Variants in FTO observed in about 807,000 individuals in gnomAD.
FTO encodes alpha-ketoglutarate-dependent dioxygenase FTO.
FTO carries 47 observed loss-of-function variants against 63.9 expected under a neutral mutation model. The ratio of observed to expected loss-of-function variants is 0.74; its 90% CI spans 0.58 to 0.94. The LOEUF is 0.94. FTO is among the 40% of genes least tolerant of loss of function. The probability of loss-of-function intolerance (pLI) is 0.00; values close to 1 mark genes in which losing one functional copy is unlikely to be tolerated. For missense variants in FTO, 562 were observed against 618.1 expected, an observed-to-expected ratio of 0.91 and a Z score of 0.96; for synonymous variants, 207 against 224.4, an observed-to-expected ratio of 0.92 and a Z score of 0.69.
chr16:53,787,110 CAAAAAAAAAAAA>C (rs35391915), intron 1 of FTO, among the ~76,000 whole-genome samples: 12 of 56,174 alleles, frequency 2.1e-4, no homozygotes, highest in African/African-American at 8.7e-4. Context: ...GACTCCTTCT[CAAAAAAAAAAAA>C]AAAAAAAAAA....
chr16:53,713,225 C>T (rs919690096), intron 1 of FTO, among the ~76,000 whole-genome samples: 1 of 152,142 alleles, frequency 6.6e-6, no homozygotes, highest in African/African-American at 2.4e-5. Flanking sequence ...TCAACACATA[C>T]TTTAGCAACT....
chr16:53,738,614 GT>G (rs879872480), intron 1 of FTO, among the ~76,000 whole-genome samples: 6 of 152,158 alleles, frequency 3.9e-5, no homozygotes, highest in Non-Finnish European at 7.3e-5. Context: ...ATACCTGGAA[GT>G]GGAATTGCTG....
rs1259054936 is a variant in FTO at position 54,112,307 on chromosome 16, A to G, written c.*392A>G. 3 of 295,768 alleles carry G rather than the reference A, an allele frequency of 1.0e-5. No homozygotes were observed. Among genetic ancestry groups the G allele is most frequent in the South Asian group, 3.5e-5 (1 of 28,938 alleles). The allele number at this position is 295,768 out of a possible 1,614,324, so 18.3% of individuals were successfully genotyped here. On this transcript the variant is annotated 3_prime_UTR_variant, in exon 9 of 9. Coordinates refer to ENST00000471389, the MANE Select transcript of FTO (RefSeq NM_001080432.3). ...CTCTGGGGAAAGACAGAACTTAGAG[A>G]CATCCCAGTTACTCACCACACCCAT...
chr16:54,097,331 T>G (rs956548640), intron 8 of FTO, among the ~76,000 whole-genome samples: 1 of 151,908 alleles, frequency 6.6e-6, no homozygotes, highest in Non-Finnish European at 1.5e-5. Context: ...TTTGTTTTTT[T>G]TTTGTTGTTG....
chr16:53,716,261 T>C (rs1315351764), intron 1 of FTO, among the ~76,000 whole-genome samples: 1 of 152,220 alleles, frequency 6.6e-6, no homozygotes, highest in Non-Finnish European at 1.5e-5. Context: ...AAAAATGTTT[T>C]GATCAATGAT....
chr16:53,824,671 A>G (rs2042032), intron 2 of FTO, among the ~76,000 whole-genome samples: 117,065 of 152,008 alleles, frequency 0.77, 45,133 homozygotes, highest in African/African-American at 0.82. Flanking sequence ...AATGGTAATT[A>G]CTAAATGAAG....
intron 5 of FTO, among the ~76,000 whole-genome samples, chr16:53,878,186 T>C (rs1299530629): frequency 6.6e-6 from 1 of 152,078 alleles, no homozygotes; most frequent in African/African-American, 2.4e-5. Context: ...TAATCCCAGC[T>C]ACTTGGGAGG....
At chr16:53,799,219 C>T (rs1260072894) in intron 1 of FTO, among the ~76,000 whole-genome samples, 2 of 151,920 alleles carry the variant, frequency 1.3e-5, no homozygotes, top group South Asian at 4.2e-4. Context: ...GGATTGAAAG[C>T]CATTAATTTT....
chr16:54,026,023 A>AT (rs1271532553), intron 8 of FTO, among the ~76,000 whole-genome samples: 3 of 151,914 alleles, frequency 2.0e-5, no homozygotes, highest in Non-Finnish European at 2.9e-5. Context: ...AAGAAAAAAA[A>AT]ATTACTTATT....
At chr16:53,841,551 C>T (rs931533411) in intron 3 of FTO, among the ~76,000 whole-genome samples, 5 of 152,136 alleles carry the variant, frequency 3.3e-5, no homozygotes, top group Non-Finnish European at 7.3e-5. Flanking sequence ...CTTGCAGAGA[C>T]CATGAACTTG....
intron 8 of FTO, among the ~76,000 whole-genome samples, chr16:54,101,235 T>C (rs2086636882): frequency 6.6e-6 from 1 of 152,134 alleles, no homozygotes; most frequent in South Asian, 2.1e-4. Flanking sequence ...ACCCGGTTAT[T>C]AAGCCCAGTA....
chr16:54,035,664 G>A (rs1366106918), intron 8 of FTO, among the ~76,000 whole-genome samples: 1 of 152,172 alleles, frequency 6.6e-6, no homozygotes. Context: ...GTGTTTCAAG[G>A]CCTTTTCAGG....
At chr16:54,017,622 G>A (rs9927249) in intron 8 of FTO, among the ~76,000 whole-genome samples, 2,064 of 152,150 alleles carry the variant, frequency 0.014, 38 homozygotes, top group African/African-American at 0.047. Context: ...TTTCGGTGAT[G>A]GCACGTTAGC....
At chr16:53,969,463 G>GA (rs2083270516) in intron 8 of FTO, among the ~76,000 whole-genome samples, 1 of 152,066 alleles carries the variant, frequency 6.6e-6, no homozygotes, top group African/African-American at 2.4e-5. Flanking sequence ...TTTGGGGGGG[G>GA]CTTGTTTTCT....
At chr16:53,722,038 T>G (rs569846663) in intron 1 of FTO, among the ~76,000 whole-genome samples, 37 of 152,312 alleles carry the variant, frequency 2.4e-4, no homozygotes, top group African/African-American at 8.7e-4. Context: ...AAAAACTATT[T>G]TAATGATTGT....
chr16:54,042,836 A>G, intron 8 of FTO, among the ~76,000 whole-genome samples: 1 of 72,956 alleles, frequency 1.4e-5, no homozygotes, highest in Non-Finnish European at 2.2e-5. Flanking sequence ...GGCACCCCCC[A>G]GCAGGGGCAC....
intron 8 of FTO, among the ~76,000 whole-genome samples, chr16:54,030,216 G>A (rs1456843986): frequency 2.0e-5 from 3 of 152,140 alleles, no homozygotes; most frequent in Non-Finnish European, 4.4e-5. Flanking sequence ...ATAAATAATA[G>A]TTCTAGAATT....
chr16:53,973,122 G>A (rs1355729143), intron 8 of FTO, among the ~76,000 whole-genome samples: 1 of 152,144 alleles, frequency 6.6e-6, no homozygotes, highest in Non-Finnish European at 1.5e-5. Flanking sequence ...ATGGCACTTA[G>A]CCTCCTAAGC....
At chr16:53,787,528 A>G (rs2077782088) in intron 1 of FTO, among the ~76,000 whole-genome samples, 1 of 152,160 alleles carries the variant, frequency 6.6e-6, no homozygotes, top group Non-Finnish European at 1.5e-5. Context: ...ACTAGAATTT[A>G]AAAGCAAAAA....
Sources: gnomAD v4.1 joint callset for allele counts (sites outside exome capture counted in the v4.1 genomes callset) on GRCh38, gnomAD v4.1.1 for gene constraint, MANE v1.5 for transcripts, NCBI Gene and HGNC (gene_info 2026-07-23, HGNC 2026-07-21) for gene names.